KIAA1671: variants seen among roughly 807,000 people sequenced by gnomAD.
KIAA1671 encodes uncharacterized protein KIAA1671.
Under a neutral mutation model 131.2 loss-of-function variants are expected in KIAA1671, and 52 were observed. The ratio of observed to expected loss-of-function variants is 0.40; its 90% CI spans 0.32 to 0.50. KIAA1671 has a LOEUF of 0.50. KIAA1671 is among the 20% of genes least tolerant of loss of function. The pLI, the probability that KIAA1671 is intolerant of heterozygous loss-of-function variation, is 0.73. For missense variants in KIAA1671, 2,360 were observed against 2,364.2 expected (o/e 1.00, Z 0.04); for synonymous variants, 1,003 against 961.6 (o/e 1.04, Z -0.80).
At chr22:24,979,437 C>T (rs1216094784) in intron 1 of KIAA1671, among the ~76,000 whole-genome samples, 1 of 151,354 alleles carries the variant, frequency 6.6e-6, no homozygotes, top group Non-Finnish European at 1.5e-5. Flanking sequence ...GCAAGCTCCA[C>T]CTCCCAGGTT....
rs527610379 is a variant in KIAA1671, at chr22:24,979,207, AT to A, written c.-208+26438del. Among the ~76,000 whole-genome samples, 477 of 66,112 alleles carry A rather than the reference AT, an allele frequency of 7.2e-3. 1 individual carries two copies. The highest frequency in any genetic ancestry group is 0.028 in the African/African-American group (455 of 16,372). The allele number at this position is 66,112 out of a possible 152,430, so 43.4% of individuals were successfully genotyped here. On this transcript the variant is annotated intron_variant, in intron 1 of 12. Transcript: ENST00000358431. Reference sequence around the variant, plus strand: ...TTTTTTTTTTTTTAGTAGAGATGGGATTTCGCCATGTTTGGCCAGGCTGGTC... The same window carrying A: ...TTTTTTTTTTTTTAGTAGAGATGGGATTCGCCATGTTTGGCCAGGCTGGTC...
chr22:25,096,830 A>T (rs185575744), intron 6 of KIAA1671, among the ~76,000 whole-genome samples: 1 of 152,212 alleles, frequency 6.6e-6, no homozygotes, highest in Admixed American at 6.5e-5. Flanking sequence ...ACTGTGGATT[A>T]GTCTGTGTGT....
intron 1 of KIAA1671, among the ~76,000 whole-genome samples, chr22:24,972,470 A>T (rs570105314): frequency 7.2e-5 from 11 of 152,050 alleles, no homozygotes; most frequent in Non-Finnish European, 1.2e-4. Context: ...GCATGCATGC[A>T]TCCATCCATC....
chr22:25,093,737 A>ACTCTCTCTCTCTCTCTCTCT (rs1326086246), intron 6 of KIAA1671, among the ~76,000 whole-genome samples: 2 of 30,154 alleles, frequency 6.6e-5, no homozygotes, highest in Non-Finnish European at 1.3e-4. Context: ...ACACACACAC[A>ACTCTCTCTCTCTCTCTCTCT]CTCTCTCTCT....
Position 25,141,826 on chromosome 22 carries a change from C to T in KIAA1671, c.4531-28994C>T, listed in dbSNP as rs140676379. Among the ~76,000 whole-genome samples, 449 of 152,264 alleles carry T rather than the reference C, an allele frequency of 2.9e-3. 2 individuals carry two copies. The highest frequency in any genetic ancestry group is 7.1e-3 in the Admixed American group (109 of 15,282). On this transcript the variant is annotated intron_variant, in intron 6 of 12. Transcript: ENST00000358431. Reference sequence around the variant, plus strand: ...GGTTCTGACTTAGACCACAAGTTCACGAGCCTGTCTGGCATCTTCCAAAGT... The same window carrying T: ...GGTTCTGACTTAGACCACAAGTTCATGAGCCTGTCTGGCATCTTCCAAAGT...
chr22:25,047,467 CTTTTTTT>C (rs1198576836), intron 5 of KIAA1671, among the ~76,000 whole-genome samples: 3 of 120,470 alleles, frequency 2.5e-5, no homozygotes, highest in Non-Finnish European at 3.4e-5. Context: ...GCCTCTTTTC[CTTTTTTT>C]TTTTTTTTTT....
At chr22:24,982,463 C>T (rs1253377254) in intron 1 of KIAA1671, among the ~76,000 whole-genome samples, 1 of 152,208 alleles carries the variant, frequency 6.6e-6, no homozygotes. Context: ...TATTTAATGT[C>T]CATTCTCTGG....
chr22:25,068,116 G>C (rs952226568), intron 6 of KIAA1671, among the ~76,000 whole-genome samples: 7 of 152,266 alleles, frequency 4.6e-5, no homozygotes, highest in African/African-American at 1.4e-4. Context: ...TGGTGAGCAG[G>C]GCTGGCTTTT....
At chr22:25,084,764 C>A (rs59977575) in intron 6 of KIAA1671, among the ~76,000 whole-genome samples, 253 of 152,352 alleles carry the variant, frequency 1.7e-3, no homozygotes, top group African/African-American at 5.9e-3. Context: ...GTCTTCTTCA[C>A]CCATGTGTTT....
intron 6 of KIAA1671, among the ~76,000 whole-genome samples, chr22:25,167,323 T>C (rs1933678656): frequency 6.6e-6 from 1 of 152,218 alleles, no homozygotes; most frequent in African/African-American, 2.4e-5. Context: ...GGTGACTCTA[T>C]ACCTAGTAAT....
At chr22:25,121,972 T>C (rs2145929909) in intron 6 of KIAA1671, among the ~76,000 whole-genome samples, 1 of 152,212 alleles carries the variant, frequency 6.6e-6, no homozygotes, top group African/African-American at 2.4e-5. Flanking sequence ...AGAGAGTGAA[T>C]TGTGGGATCT....
intron 7 of KIAA1671, 148 bp from the exon 8 acceptor site, chr22:25,174,092 A>T (rs1032366001): frequency 3.4e-6 from 3 of 869,784 alleles, no homozygotes; most frequent in Non-Finnish European, 5.2e-6. Context: ...GTTTCCAAAG[A>T]GGGTCTTCTG....
At chr22:25,055,993 C>CT (rs2145828836) in intron 6 of KIAA1671, 1 of 148,358 alleles carries the variant, frequency 6.7e-6, no homozygotes, top group African/African-American at 2.5e-5. Flanking sequence ...GTACCTGGGA[C>CT]TACAGGCATG....
intron 6 of KIAA1671, among the ~76,000 whole-genome samples, chr22:25,103,327 C>T (rs2145899949): frequency 6.6e-6 from 1 of 152,196 alleles, no homozygotes; most frequent in South Asian, 2.1e-4. Context: ...TCTCCTGCCT[C>T]AGCCTCCCGG....
chr22:24,998,300 G>T (rs1275771817), intron 1 of KIAA1671, among the ~76,000 whole-genome samples: 1 of 152,100 alleles, frequency 6.6e-6, no homozygotes, highest in Non-Finnish European at 1.5e-5. Flanking sequence ...TGTAGATCCG[G>T]CTACTTGGGA....
rs369413911 is a variant in KIAA1671 at position 25,137,609 on chromosome 22, C to T, written c.4531-33211C>T. Among the ~76,000 whole-genome samples the T allele has an allele frequency of 5.5e-3, 838 of 152,350 alleles. 5 individuals are homozygous for T. The highest frequency in any genetic ancestry group is 0.022 in the South Asian group (108 of 4,832). The stretch of plus-strand genomic sequence containing the variant: ...CCTGCCTGATTTTCAAAGCTGTCCC[C>T]GATTGTTAGGTAAACTGGACATGTG... On this transcript the variant is annotated intron_variant, in intron 6 of 12. Coordinates refer to ENST00000358431, the MANE Select transcript of KIAA1671 (RefSeq NM_001145206.2).
chr22:25,192,756 G>A lies in KIAA1671; in HGVS notation c.*355G>A, dbSNP rs1214910287. The stretch of plus-strand genomic sequence containing the variant: ...GCTCCAAGAACATCAGTGTGAGGCT[G>A]GAATTGTCTCCCCAGGTTCTGAAAA... On this transcript the variant is annotated 3_prime_UTR_variant, in exon 13 of 13. Transcript: ENST00000358431. The A allele has an allele frequency of 2.0e-5, 3 of 152,172 alleles. No homozygotes were observed. The highest frequency in any genetic ancestry group is 7.2e-5 in the African/African-American group (3 of 41,440). 9.4% of individuals were successfully genotyped at this position (152,172 alleles called of 1,614,324 possible).
chr22:25,100,196 G>T (rs971964855), intron 6 of KIAA1671, among the ~76,000 whole-genome samples: 2 of 152,326 alleles, frequency 1.3e-5, no homozygotes, highest in Admixed American at 1.3e-4. Context: ...TTCAGCCTGG[G>T]CAGGAGGGCA....
At position 25,174,403 on chromosome 22, in the gene KIAA1671, G is replaced by A. The variant is rs1933954499; in HGVS notation, c.4813G>A (p.Asp1605Asn). 1 of 1,551,352 alleles carries A rather than the reference G, an allele frequency of 6.4e-7. No homozygotes were observed. Residue 1605 changes from aspartate (D) to asparagine (N), a missense_variant, in exon 8 of 13, where the codon GAC becomes AAC. Physicochemically the swap from Asp to Asn is conservative, Grantham distance 23 (BLOSUM62 1). Coordinates refer to ENST00000358431, the MANE Select transcript of KIAA1671 (RefSeq NM_001145206.2). Reference protein sequence around the residue: ...RSTSVDHSSTDLESTDGMEGP... With the variant: ...RSTSVDHSSTNLESTDGMEGP... The stretch of plus-strand genomic sequence containing the variant: ...CACCAGCGTGGACCACTCCAGCACT[G>A]ACCTGGAATCCACCGATGGGATGGA...
Sources: allele counts gnomAD v4.1 joint callset (sites outside exome capture counted in the v4.1 genomes callset), GRCh38; gene constraint gnomAD v4.1.1; transcripts MANE v1.5; gene names NCBI Gene and HGNC (gene_info 2026-07-23, HGNC 2026-07-21).